Variants in SCN10A observed in about 807,000 individuals in gnomAD.
The protein encoded by SCN10A is sodium voltage-gated channel alpha subunit 10.
A neutral mutation model predicts 170.7 loss-of-function variants in SCN10A; 162 were observed. That is an observed-to-expected ratio of 0.95 (90% CI 0.84 to 1.08). SCN10A has a LOEUF of 1.08. Among genes scored for constraint, SCN10A ranks in the 50% least tolerant of loss-of-function variants. The probability of loss-of-function intolerance (pLI) is 0.00; values close to 1 mark genes in which losing one functional copy is unlikely to be tolerated. For missense variants in SCN10A, 2,527 were observed against 2,436.9 expected, an observed-to-expected ratio of 1.04 and a Z score of -0.78; for synonymous variants, 985 against 904.6, an observed-to-expected ratio of 1.09 and a Z score of -1.59.
intron 15 of SCN10A, among the ~76,000 whole-genome samples, chr3:38,733,665 G>C (rs889245618): frequency 9.2e-5 from 14 of 151,896 alleles, no homozygotes; most frequent in Non-Finnish European, 1.6e-4. Flanking sequence ...ACAGACACGT[G>C]CCATCATGCC....
At chr3:38,777,362 G>T (rs575598081) in intron 4 of SCN10A, among the ~76,000 whole-genome samples, 15 of 152,098 alleles carry the variant, frequency 9.9e-5, no homozygotes, top group Admixed American at 7.2e-4. Context: ...AGACAGTTTA[G>T]CAATAATAAG....
chr3:38,815,424 C>T (rs1038051594), intron 1 of SCN10A, among the ~76,000 whole-genome samples: 2 of 152,152 alleles, frequency 1.3e-5, no homozygotes, highest in African/African-American at 2.4e-5. Context: ...GAGTGGGGTC[C>T]AAGAGTCTGT....
In SCN10A at chr3:38,761,223, A is replaced by G. The variant is rs748638838; in HGVS notation, c.852T>C (p.Asn284=). The part of the protein sequence containing the change: ...NKCVKNDMAV[N]ETTNYSSHRK... Reference sequence around the variant, plus strand: ...TGTGAGATGAGTAGTTGGTTGTCTCATTGACAGCCATGTCATTCTTGACAC... The same window carrying G: ...TGTGAGATGAGTAGTTGGTTGTCTCGTTGACAGCCATGTCATTCTTGACAC... The change falls in exon 7 of 28, where the codon AAT becomes AAC. Residue 284 remains asparagine (N), a synonymous_variant. Coordinates refer to ENST00000449082, the MANE Select transcript of SCN10A (RefSeq NM_006514.4). 1.2e-5 allele frequency: 20 copies of G among 1,608,502 alleles called. No homozygotes were observed. In the South Asian group the frequency reaches 2.1e-4, roughly 17 times the overall value.
chr3:38,712,127 G>A, intron 23 of SCN10A, 34 bp downstream of exon 23: 1 of 1,605,310 alleles, frequency 6.2e-7, no homozygotes, highest in South Asian at 1.1e-5. Context: ...AGCGGCCAAA[G>A]CAAGAGATAT....
chr3:38,814,017 C>T (rs566628418), intron 1 of SCN10A, among the ~76,000 whole-genome samples: 1 of 152,294 alleles, frequency 6.6e-6, no homozygotes, highest in Non-Finnish European at 1.5e-5. Flanking sequence ...CCCTCATAAA[C>T]TCACACTCTG....
chr3:38,785,421 C>T (rs184249898), intron 4 of SCN10A, among the ~76,000 whole-genome samples: 2 of 152,286 alleles, frequency 1.3e-5, no homozygotes, highest in Non-Finnish European at 2.9e-5. Context: ...GGAAAACTGG[C>T]TAGCCTTAGG....
chr3:38,716,116 T>C (rs1313117002), intron 21 of SCN10A, among the ~76,000 whole-genome samples: 2 of 152,174 alleles, frequency 1.3e-5, no homozygotes, highest in African/African-American at 4.8e-5. Context: ...CGCTGAGTAA[T>C]TATAGCTGCT....
chr3:38,718,928 G>C, intron 20 of SCN10A, 102 bp from the exon 21 acceptor site: 2 of 1,113,340 alleles, frequency 1.8e-6, no homozygotes, highest in Non-Finnish European at 2.5e-6. Context: ...CACAGTCCCT[G>C]GAAGGGGATT....
intron 27 of SCN10A, among the ~76,000 whole-genome samples, chr3:38,699,775 G>A (rs1183752674): frequency 6.6e-6 from 1 of 152,118 alleles, no homozygotes; most frequent in Non-Finnish European, 1.5e-5. Flanking sequence ...TTTGCTCCAG[G>A]ATCTTATTTT....
intron 21 of SCN10A, among the ~76,000 whole-genome samples, chr3:38,715,371 C>T (rs973225020): frequency 1.3e-5 from 2 of 152,218 alleles, no homozygotes; most frequent in African/African-American, 2.4e-5. Flanking sequence ...CACCATGCAT[C>T]TATTCTCCAC....
chr3:38,720,676 A>C (rs1354583184), intron 20 of SCN10A, among the ~76,000 whole-genome samples: 1 of 151,736 alleles, frequency 6.6e-6, no homozygotes, highest in African/African-American at 2.4e-5. Flanking sequence ...TGCAGGTCTG[A>C]GCTTCCTCCT....
intron 25 of SCN10A, among the ~76,000 whole-genome samples, chr3:38,707,899 G>T (rs1032005064): frequency 1.2e-4 from 19 of 152,108 alleles, no homozygotes; most frequent in African/African-American, 4.6e-4. Flanking sequence ...AGGGACCTCT[G>T]GTTCTCTTGA....
chr3:38,786,854 T>G (rs1436109736), intron 4 of SCN10A, among the ~76,000 whole-genome samples: 4 of 152,182 alleles, frequency 2.6e-5, no homozygotes, highest in African/African-American at 9.7e-5. Context: ...GTTTATGGAC[T>G]GTCTATGCTG....
In SCN10A at chr3:38,800,709, T is replaced by C. The variant is rs2064365689; in HGVS notation, c.-32-6667A>G. Among the ~76,000 whole-genome samples, 2 of 152,148 alleles carry C rather than the reference T, an allele frequency of 1.3e-5. 1 individual carries two copies. The highest frequency in any genetic ancestry group is 4.1e-4 in the South Asian group (2 of 4,830). ...TTGTTGTCAGAATCAGGGCAACTCC[T>C]GGCCAGGAACTTCAGGAAGCTTACA... On this transcript the variant is annotated intron_variant, in intron 1 of 27. Transcript: ENST00000449082.
intron 13 of SCN10A, among the ~76,000 whole-genome samples, chr3:38,747,182 T>A (rs2063700339): frequency 6.6e-6 from 1 of 152,166 alleles, no homozygotes. Context: ...CCTTTCTTAC[T>A]CTACTGTCAC....
chr3:38,790,832 C>A (rs1467632948), intron 3 of SCN10A, among the ~76,000 whole-genome samples: 1 of 152,096 alleles, frequency 6.6e-6, no homozygotes, highest in African/African-American at 2.4e-5. Context: ...ATGGTATTGA[C>A]ACTTAGGAAG....
intron 6 of SCN10A, among the ~76,000 whole-genome samples, chr3:38,761,860 G>A (rs1219662194): frequency 3.4e-5 from 5 of 147,508 alleles, no homozygotes; most frequent in African/African-American, 1.3e-4. Context: ...GAGAGAGAGA[G>A]AGAGAAAGAG....
chr3:38,715,903 A>T (rs1417926211), intron 21 of SCN10A, among the ~76,000 whole-genome samples: 2 of 152,202 alleles, frequency 1.3e-5, no homozygotes, highest in African/African-American at 2.4e-5. Flanking sequence ...TGTATTCAAT[A>T]GTTAGATGTA....
chr3:38,758,207 A>G (rs778449285), intron 8 of SCN10A, among the ~76,000 whole-genome samples: 1 of 152,304 alleles, frequency 6.6e-6, no homozygotes, highest in East Asian at 1.9e-4. Context: ...TTCCAAGTCT[A>G]TCTCCACTTC....
Sources: gnomAD v4.1 joint callset for allele counts (sites outside exome capture counted in the v4.1 genomes callset) on GRCh38, gnomAD v4.1.1 for gene constraint, MANE v1.5 for transcripts, NCBI Gene and HGNC (gene_info 2026-07-23, HGNC 2026-07-21) for gene names.